The following TTC39C variants were observed in gnomAD, a reference collection of about 807,000 sequenced individuals.
The protein encoded by TTC39C is tetratricopeptide repeat protein 39C.
A neutral mutation model predicts 76.3 loss-of-function variants in TTC39C; 33 were observed. That is an observed-to-expected ratio of 0.43 (90% CI 0.33 to 0.58). The LOEUF is 0.58. TTC39C is among the 20% of genes least tolerant of loss of function. The pLI is 0.04. For missense variants in TTC39C, 595 were observed against 701.4 expected, an observed-to-expected ratio of 0.85 and a Z score of 1.71; for synonymous variants, 254 against 260.6, an observed-to-expected ratio of 0.97 and a Z score of 0.24.
intron 1 of TTC39C, among the ~76,000 whole-genome samples, chr18:23,997,638 A>G (rs1408271510): frequency 1.4e-4 from 18 of 129,942 alleles, no homozygotes; most frequent in African/African-American, 4.7e-4. Context: ...AAAGAGAGGG[A>G]GGGAGGAAGG....
chr18:24,067,077 C>T (rs188232551), intron 3 of TTC39C, among the ~76,000 whole-genome samples: 17 of 152,288 alleles, frequency 1.1e-4, no homozygotes, highest in Admixed American at 2.6e-4. Flanking sequence ...ATACTGTTGA[C>T]ATATTGGCAA....
chr18:24,086,016 G>A (rs2084434810), intron 6 of TTC39C, among the ~76,000 whole-genome samples: 1 of 152,228 alleles, frequency 6.6e-6, no homozygotes, highest in South Asian at 2.1e-4. Context: ...TGCCCAGGGA[G>A]GCTGTGATAT....
At chr18:24,021,312 C>T (rs2083514748) in intron 1 of TTC39C, among the ~76,000 whole-genome samples, 1 of 152,192 alleles carries the variant, frequency 6.6e-6, no homozygotes, top group Non-Finnish European at 1.5e-5. Flanking sequence ...TCCCAACACC[C>T]TAAATTCGCG....
At position 24,080,990 on chromosome 18, in the gene TTC39C, A is replaced by C; in HGVS notation, c.815+51A>C. On this transcript the variant is annotated intron_variant, in intron 5 of 13. Coordinates refer to ENST00000317571, the MANE Select transcript of TTC39C (RefSeq NM_001135993.2). ...GGTAGATAATATAGTGTTGAAAGTAAGTAAACGACAATCAAAGACTTTAAA... is the reference window on the plus strand; with the variant it reads ...GGTAGATAATATAGTGTTGAAAGTACGTAAACGACAATCAAAGACTTTAAA... 2.0e-6 allele frequency: 3 copies of C among 1,477,584 alleles called. No individual in the cohort carries two copies. The South Asian group carries it at 4.0e-5, about 20-fold the overall frequency. 91.5% of individuals were successfully genotyped at this position (1,477,584 alleles called of 1,614,324 possible). A position where few individuals can be genotyped will look rare whatever the true frequency, so the allele number is the denominator to read the frequency against.
chr18:24,063,329 G>A (rs1197936997), intron 1 of TTC39C, among the ~76,000 whole-genome samples: 1 of 152,306 alleles, frequency 6.6e-6, no homozygotes, highest in East Asian at 1.9e-4. Context: ...AGTGTGTGAA[G>A]TCTGACTCAG....
At chr18:24,006,809 A>T (rs2083356654) in intron 1 of TTC39C, among the ~76,000 whole-genome samples, 1 of 152,218 alleles carries the variant, frequency 6.6e-6, no homozygotes, top group Non-Finnish European at 1.5e-5. Context: ...ACTTGGCACC[A>T]AGGTCTACTA....
chr18:24,002,067 TA>T (rs1156850008), intron 1 of TTC39C, among the ~76,000 whole-genome samples: 1 of 152,174 alleles, frequency 6.6e-6, no homozygotes, highest in Admixed American at 6.5e-5. Context: ...GAGGCAGACA[TA>T]AGTTGTTTGC....
chr18:24,069,840 G>A (rs1280069219), intron 4 of TTC39C, among the ~76,000 whole-genome samples: 1 of 152,136 alleles, frequency 6.6e-6, no homozygotes, highest in Non-Finnish European at 1.5e-5. Context: ...ACTCAAGTGA[G>A]CCTCTAAAAC....
intron 1 of TTC39C, among the ~76,000 whole-genome samples, chr18:24,039,526 C>A (rs978498064): frequency 3.9e-5 from 6 of 152,334 alleles, no homozygotes; most frequent in Non-Finnish European, 8.8e-5. Flanking sequence ...GAGACGGAGT[C>A]TCAGTGTGTT....
intron 6 of TTC39C, among the ~76,000 whole-genome samples, chr18:24,102,404 A>G (rs1342502119): frequency 6.6e-6 from 1 of 152,220 alleles, no homozygotes; most frequent in Non-Finnish European, 1.5e-5. Context: ...ATTGGCTATG[A>G]TGTGAAAGGT....
intron 1 of TTC39C, among the ~76,000 whole-genome samples, chr18:24,045,281 A>AAAAAAAG: frequency 6.6e-6 from 1 of 151,140 alleles, no homozygotes; most frequent in Non-Finnish European, 1.5e-5. Flanking sequence ...AAAAAAAAAA[A>AAAAAAAG]AAGCATGTAG....
At chr18:24,116,830 T>TG (rs1338215994) in intron 7 of TTC39C, among the ~76,000 whole-genome samples, 67 of 146,594 alleles carry the variant, frequency 4.6e-4, no homozygotes, top group Non-Finnish European at 8.2e-4. Flanking sequence ...TTTTTTTTTT[T>TG]TTTTTTTTTT....
At chr18:24,069,732 T>G (rs1453305485) in intron 4 of TTC39C, among the ~76,000 whole-genome samples, 1 of 152,178 alleles carries the variant, frequency 6.6e-6, no homozygotes, top group African/African-American at 2.4e-5. Flanking sequence ...TGACCTGCAT[T>G]TTAACAAACT....
At chr18:24,011,786 C>CT (rs1440372075), upstream of TTC39C, among the ~76,000 whole-genome samples, 2 of 152,148 alleles carry the variant, frequency 1.3e-5, no homozygotes, top group Non-Finnish European at 2.9e-5. Flanking sequence ...GCTGGCTTTT[C>CT]TTTTTCTCTT....
At chr18:24,079,569 AC>A (rs2084350677) in intron 4 of TTC39C, among the ~76,000 whole-genome samples, 1 of 152,102 alleles carries the variant, frequency 6.6e-6, no homozygotes, top group Non-Finnish European at 1.5e-5. Flanking sequence ...CAGTGGATAA[AC>A]CCCAGTTTCA....
intron 10 of TTC39C, among the ~76,000 whole-genome samples, chr18:24,125,882 A>G (rs11664361): frequency 0.49 from 74,053 of 152,136 alleles, 21,104 homozygotes; most frequent in Non-Finnish European, 0.65. Flanking sequence ...TGTGATTCAC[A>G]TAAGTAAAAA....
chr18:24,129,055 A>G, intron 11 of TTC39C, 72 bp downstream of exon 11: 1 of 1,246,002 alleles, frequency 8.0e-7, no homozygotes, highest in Non-Finnish European at 1.1e-6. Flanking sequence ...GTGAATAAGA[A>G]AAATGAAAAA....
intron 1 of TTC39C, among the ~76,000 whole-genome samples, chr18:24,001,975 G>A (rs959797347): frequency 1.2e-4 from 19 of 152,004 alleles, no homozygotes; most frequent in African/African-American, 3.4e-4. Context: ...ACAGGCGCCC[G>A]CCACCACGCC....
At chr18:24,064,684 C>T (rs1048722291) in intron 2 of TTC39C, among the ~76,000 whole-genome samples, 11 of 151,794 alleles carry the variant, frequency 7.2e-5, no homozygotes, top group South Asian at 2.1e-4. Flanking sequence ...TTCGATTTTT[C>T]GGAAATAGTA....
Sources: gnomAD v4.1 joint callset for allele counts (sites outside exome capture counted in the v4.1 genomes callset) on GRCh38, gnomAD v4.1.1 for gene constraint, MANE v1.5 for transcripts, NCBI Gene and HGNC (gene_info 2026-07-23, HGNC 2026-07-21) for gene names.